The following STK3 variants were observed in gnomAD, a reference collection of about 807,000 sequenced individuals.
STK3 encodes the protein serine/threonine kinase 3, also known as serine/threonine-protein kinase 3.
A neutral mutation model predicts 58.0 loss-of-function variants in STK3; 41 were observed. The observed-to-expected ratio is 0.71, with a 90% CI of 0.55 to 0.92. The LOEUF is 0.92. Among genes scored for constraint, STK3 ranks in the 40% least tolerant of loss-of-function variants. The probability of loss-of-function intolerance (pLI) is 0.00; values close to 1 mark genes in which losing one functional copy is unlikely to be tolerated. For synonymous variants in STK3, 170 were observed against 191.0 expected (o/e 0.89, Z 0.91); for missense variants, 479 against 602.7 (o/e 0.79, Z 2.15).
chr8:98,862,271 T>G (rs761498256), intron 3 of STK3, among the ~76,000 whole-genome samples: 2 of 152,210 alleles, frequency 1.3e-5, no homozygotes, highest in Non-Finnish European at 1.5e-5. Context: ...CCCTTCTTAA[T>G]GCAGGAAGCT....
At chr8:98,720,852 C>A (rs754785330) in intron 4 of STK3, among the ~76,000 whole-genome samples, 7 of 151,276 alleles carry the variant, frequency 4.6e-5, no homozygotes, top group Middle Eastern at 3.4e-3. Context: ...CTAATTAGAA[C>A]AGTTGCCAAC....
At chr8:98,446,416 G>A (rs1393557017) in intron 1 of STK3, among the ~76,000 whole-genome samples, 1 of 152,162 alleles carries the variant, frequency 6.6e-6, no homozygotes, top group Non-Finnish European at 1.5e-5. Flanking sequence ...GCAAGTCATG[G>A]GTACTCATGG....
intron 10 of STK3, among the ~76,000 whole-genome samples, chr8:98,516,720 T>C (rs1376087374): frequency 6.6e-6 from 1 of 152,072 alleles, no homozygotes; most frequent in African/African-American, 2.4e-5. Context: ...AATTAGTATA[T>C]TTCTTTTCAT....
At chr8:98,841,631 C>T (rs1023036605) in intron 3 of STK3, among the ~76,000 whole-genome samples, 1 of 134,604 alleles carries the variant, frequency 7.4e-6, no homozygotes, top group African/African-American at 2.8e-5. Flanking sequence ...TTGGAGATTA[C>T]AGTGACCTCC....
At chr8:98,600,711 C>G (rs1029616272) in intron 6 of STK3, among the ~76,000 whole-genome samples, 1 of 151,682 alleles carries the variant, frequency 6.6e-6, no homozygotes, top group Non-Finnish European at 1.5e-5. Context: ...CTGTCTCTAA[C>G]GGTGGAAAAC....
chr8:98,858,323 T>TATATATATATATAGAGAGAGAGAG (rs1189807446), intron 3 of STK3, among the ~76,000 whole-genome samples: 1 of 16,274 alleles, frequency 6.1e-5, no homozygotes, highest in Non-Finnish European at 1.0e-4. Flanking sequence ...TATATATATA[T>TATATATATATATAGAGAGAGAGAG]AGAGAGAGAG....
chr8:98,584,609 T>C (rs1195541417), intron 7 of STK3, among the ~76,000 whole-genome samples: 1 of 149,338 alleles, frequency 6.7e-6, no homozygotes, highest in African/African-American at 2.4e-5. Flanking sequence ...TTTGGGTATA[T>C]ACCCAGTAAT....
intron 4 of STK3, among the ~76,000 whole-genome samples, chr8:98,740,602 C>G (rs1173797048): frequency 3.3e-5 from 5 of 152,158 alleles, no homozygotes; most frequent in Non-Finnish European, 7.3e-5. Context: ...AAGCAATAAA[C>G]ATGGAAAGGA....
At chr8:98,589,673 A>G (rs1434398335) in intron 7 of STK3, among the ~76,000 whole-genome samples, 1 of 152,218 alleles carries the variant, frequency 6.6e-6, no homozygotes, top group East Asian at 1.9e-4. Flanking sequence ...AAGCCTGGGC[A>G]ATGGCGGGCG....
chr8:98,606,792 G>A (rs1345322680), intron 6 of STK3, among the ~76,000 whole-genome samples: 1 of 152,170 alleles, frequency 6.6e-6, no homozygotes, highest in Non-Finnish European at 1.5e-5. Context: ...CTCTTCATTT[G>A]ACTGGTCCTC....
At chr8:98,645,366 A>C (rs1820323713) in intron 6 of STK3, among the ~76,000 whole-genome samples, 1 of 152,226 alleles carries the variant, frequency 6.6e-6, no homozygotes, top group African/African-American at 2.4e-5. Context: ...AAATATGTCA[A>C]ACCTGGATCT....
chr8:98,637,183 G>A (rs933832369), intron 6 of STK3, among the ~76,000 whole-genome samples: 2 of 151,484 alleles, frequency 1.3e-5, no homozygotes, highest in South Asian at 4.1e-4. Context: ...AGACATGAAA[G>A]GTAAAATCAA....
At chr8:98,648,182 T>A (rs1314041312) in intron 6 of STK3, among the ~76,000 whole-genome samples, 2 of 152,184 alleles carry the variant, frequency 1.3e-5, no homozygotes, top group Non-Finnish European at 2.9e-5. Context: ...GATTTAAAAT[T>A]CTATTTTGTT....
At chr8:98,827,260 G>T (rs930889950), upstream of STK3, among the ~76,000 whole-genome samples, 41 of 152,144 alleles carry the variant, frequency 2.7e-4, no homozygotes, top group Non-Finnish European at 1.8e-4. Context: ...CTTGAACCCG[G>T]GAGGCAGAGG....
intron 10 of STK3, among the ~76,000 whole-genome samples, chr8:98,480,779 A>T (rs1304473104): frequency 2.0e-5 from 3 of 152,190 alleles, no homozygotes; most frequent in Admixed American, 1.3e-4. Flanking sequence ...AATTAATAAT[A>T]GTCTACTACA....
At chr8:98,469,050 A>C (rs1250314428) in intron 10 of STK3, among the ~76,000 whole-genome samples, 1 of 152,028 alleles carries the variant, frequency 6.6e-6, no homozygotes, top group African/African-American at 2.4e-5. Context: ...CGGGGGTTGC[A>C]GTGAGCTAGG....
intron 1 of STK3, among the ~76,000 whole-genome samples, chr8:98,792,967 G>A (rs1832904494): frequency 6.6e-6 from 1 of 151,720 alleles, no homozygotes; most frequent in Non-Finnish European, 1.5e-5. Flanking sequence ...GTGTGTGTAT[G>A]TATATATATG....
At chr8:98,463,953 T>A (rs1820217681) in intron 10 of STK3, among the ~76,000 whole-genome samples, 1 of 152,188 alleles carries the variant, frequency 6.6e-6, no homozygotes, top group Admixed American at 6.5e-5. Context: ...TACATGTTAA[T>A]GTTAACACAT....
chr8:98,814,941 C>A (rs1249684957), intron 1 of STK3, among the ~76,000 whole-genome samples: 2 of 152,218 alleles, frequency 1.3e-5, no homozygotes, highest in African/African-American at 2.4e-5. Context: ...CTCGGCCTCC[C>A]AGGTGCTGGG....
Sources: gnomAD v4.1 joint callset for allele counts (sites outside exome capture counted in the v4.1 genomes callset) on GRCh38, gnomAD v4.1.1 for gene constraint, MANE v1.5 for transcripts, NCBI Gene and HGNC (gene_info 2026-07-23, HGNC 2026-07-21) for gene names.